PRIMA1: variants seen among roughly 807,000 people sequenced by gnomAD.
The protein encoded by PRIMA1 is proline rich membrane anchor 1.
Under a neutral mutation model 17.5 loss-of-function variants are expected in PRIMA1, and 7 were observed. That is an observed-to-expected ratio of 0.40 (90% CI 0.23 to 0.75). PRIMA1 has a LOEUF of 0.75. PRIMA1 is among the 30% of genes least tolerant of loss of function. PRIMA1 has a pLI of 0.37. For missense variants in PRIMA1, 200 were observed against 201.8 expected (o/e 0.99, Z 0.05); for synonymous variants, 97 against 77.9 (o/e 1.25, Z -1.29).
chr14:93,726,631 TACACATGC>T lies in PRIMA1; in HGVS notation c.360-5093_360-5086del, dbSNP rs1303671000. ...TATATAATATACACATAGACACATG[TACACATGC>T]ACAAATCCACACACACATACAATAT... On this transcript the variant is annotated intron_variant, in intron 4 of 4. Coordinates refer to ENST00000393140, the MANE Select transcript of PRIMA1 (RefSeq NM_178013.4). The surrounding 1 kb of genome is among the most constrained non-coding windows in gnomAD (Gnocchi z 4.2). 6.6e-6 allele frequency among the ~76,000 whole-genome samples: 1 copy of T among 151,854 alleles called. No individual in the cohort carries two copies. Among genetic ancestry groups the T allele is most frequent in the African/African-American group, 2.4e-5 (1 of 41,294 alleles).
Position 93,726,276 on chromosome 14 carries a change from C to A in PRIMA1, c.360-4730G>T, listed in dbSNP as rs1001508960. Among the ~76,000 whole-genome samples, 3 of 152,196 alleles carry A rather than the reference C, an allele frequency of 2.0e-5. No homozygotes were observed. The South Asian group carries it at 6.2e-4, about 31-fold the overall frequency. On this transcript the variant is annotated intron_variant, in intron 4 of 4. Coordinates refer to ENST00000393140, the MANE Select transcript of PRIMA1 (RefSeq NM_178013.4). The surrounding 1 kb of genome is among the most constrained non-coding windows in gnomAD (Gnocchi z 4.2). ...CCAGGACCCAGGTACCCCTCTTAGG[C>A]CCTGCTGATCATGATGTGACAGCCT...
intron 4 of PRIMA1, among the ~76,000 whole-genome samples, chr14:93,732,144 C>T (rs948486356): frequency 2.0e-5 from 3 of 152,260 alleles, no homozygotes; most frequent in East Asian, 3.9e-4. Context: ...AACAGACCCA[C>T]GCCACAGATG....
At chr14:93,776,015 G>C (rs1228661897) in intron 3 of PRIMA1, among the ~76,000 whole-genome samples, 1 of 152,156 alleles carries the variant, frequency 6.6e-6, no homozygotes. Flanking sequence ...ACTTCCCTCG[G>C]ACTACTGGGA....
intron 3 of PRIMA1, among the ~76,000 whole-genome samples, chr14:93,768,340 C>T (rs1884953879): frequency 6.6e-6 from 1 of 152,194 alleles, no homozygotes; most frequent in African/African-American, 2.4e-5. Context: ...CTGCAACTCC[C>T]CCAGTCTTTT....
intron 3 of PRIMA1, among the ~76,000 whole-genome samples, chr14:93,759,532 T>C (rs903651843): frequency 6.6e-6 from 1 of 151,958 alleles, no homozygotes; most frequent in Non-Finnish European, 1.5e-5. Flanking sequence ...TGTGTGTGCA[T>C]GTGTATTGTG....
intron 3 of PRIMA1, among the ~76,000 whole-genome samples, chr14:93,775,883 A>G (rs1885203353): frequency 6.6e-6 from 1 of 151,788 alleles, no homozygotes; most frequent in South Asian, 2.1e-4. Context: ...ACACATCCCA[A>G]CTCCAGGGGT....
At chr14:93,735,398 C>T (rs377420719) in intron 4 of PRIMA1, among the ~76,000 whole-genome samples, 75 of 152,314 alleles carry the variant, frequency 4.9e-4, no homozygotes, top group African/African-American at 1.7e-3. Context: ...GTGCCTTGAC[C>T]TAGAATGCCT....
intron 3 of PRIMA1, among the ~76,000 whole-genome samples, chr14:93,743,514 A>C (rs939589044): frequency 2.0e-5 from 3 of 152,180 alleles, no homozygotes; most frequent in Non-Finnish European, 4.4e-5. Context: ...AACCGCTGAC[A>C]ATGCAGTCTA....
chr14:93,724,030 G>A (rs926856294), intron 4 of PRIMA1, among the ~76,000 whole-genome samples: 1 of 152,188 alleles, frequency 6.6e-6, no homozygotes, highest in Non-Finnish European at 1.5e-5. Context: ...GATTACAGGT[G>A]TATGCCACCA....
intron 3 of PRIMA1, among the ~76,000 whole-genome samples, chr14:93,771,153 C>T (rs2180795): frequency 0.89 from 135,074 of 151,270 alleles, 60,923 homozygotes; most frequent in Non-Finnish European, 0.95. Context: ...TGTGTGTGTG[C>T]GCATGTATGT....
chr14:93,730,271 C>A (rs1441759324), intron 4 of PRIMA1, among the ~76,000 whole-genome samples: 3 of 152,256 alleles, frequency 2.0e-5, no homozygotes, highest in Non-Finnish European at 4.4e-5. Context: ...CACACGAACA[C>A]CGACATACAC....
chr14:93,765,176 C>A (rs952302935), intron 3 of PRIMA1, among the ~76,000 whole-genome samples: 5 of 152,006 alleles, frequency 3.3e-5, no homozygotes, highest in Non-Finnish European at 7.4e-5. Context: ...GACATGGCCC[C>A]ACATGCTCCC....
chr14:93,736,613 G>A (rs2076151928), intron 4 of PRIMA1, among the ~76,000 whole-genome samples: 1 of 152,252 alleles, frequency 6.6e-6, no homozygotes, highest in Admixed American at 6.5e-5. Flanking sequence ...CCCGTTACCA[G>A]GACGCTCCTG....
chr14:93,763,541 C>G (rs1241668755), intron 3 of PRIMA1, among the ~76,000 whole-genome samples: 1 of 152,220 alleles, frequency 6.6e-6, no homozygotes, highest in Non-Finnish European at 1.5e-5. Context: ...CCATTTGTTT[C>G]AGAGCTGGCT....
At chr14:93,763,013 C>A (rs1884779693) in intron 3 of PRIMA1, among the ~76,000 whole-genome samples, 1 of 152,214 alleles carries the variant, frequency 6.6e-6, no homozygotes, top group Non-Finnish European at 1.5e-5. Context: ...CCGACCCCAG[C>A]TTGTTCTGCT....
intron 4 of PRIMA1, among the ~76,000 whole-genome samples, chr14:93,733,993 C>G (rs183368966): frequency 1.3e-5 from 2 of 152,180 alleles, no homozygotes; most frequent in South Asian, 4.1e-4. Flanking sequence ...CCCTCCCCAG[C>G]CTCCTTCTAG....
At chr14:93,774,885 C>T (rs1039431622) in intron 3 of PRIMA1, among the ~76,000 whole-genome samples, 8 of 152,196 alleles carry the variant, frequency 5.3e-5, no homozygotes, top group Non-Finnish European at 2.9e-5. Context: ...GGCCCATGAC[C>T]TATTTTATAG....
chr14:93,787,750 C>A lies in PRIMA1; in HGVS notation c.-31-1G>T. On this transcript the variant is annotated splice_acceptor_variant, in intron 1 of 4. Transcript: ENST00000393140. LOFTEE classifies it low-confidence loss of function (5UTR_SPLICE). ...CAGCGGCGCCCGCTCCTGGGGCGAA[C>A]TGTCAGGAGAGCAAGGCTAGGGTCA... 1 of 1,539,264 alleles carries A rather than the reference C, an allele frequency of 6.5e-7. No individual in the cohort carries two copies. The highest frequency in any genetic ancestry group is 8.7e-7 in the Non-Finnish European group (1 of 1,145,690).
intron 4 of PRIMA1, among the ~76,000 whole-genome samples, chr14:93,727,701 A>G (rs2076087375): frequency 6.6e-6 from 1 of 152,116 alleles, no homozygotes; most frequent in Admixed American, 6.5e-5. Flanking sequence ...TATACAGAAC[A>G]GGTGGGCACA....
Sources: allele counts gnomAD v4.1 joint callset (sites outside exome capture counted in the v4.1 genomes callset), GRCh38; gene constraint gnomAD v4.1.1; non-coding constraint Gnocchi (gnomAD v3.1); transcripts MANE v1.5; gene names NCBI Gene and HGNC (gene_info 2026-07-23, HGNC 2026-07-21).